Variants in BSPRY observed in about 807,000 individuals in gnomAD.
BSPRY encodes B box and SPRY domain-containing protein.
Under a neutral mutation model 38.0 loss-of-function variants are expected in BSPRY, and 33 were observed. That is an observed-to-expected ratio of 0.87 (90% CI 0.66 to 1.16). The LOEUF (loss-of-function observed/expected upper bound fraction) is 1.16. BSPRY is among the 50% of genes most tolerant of loss of function. The probability of loss-of-function intolerance (pLI) is 0.00; values close to 1 mark genes in which losing one functional copy is unlikely to be tolerated. For missense variants in BSPRY, 523 were observed against 533.2 expected, an observed-to-expected ratio of 0.98 and a Z score of 0.19; for synonymous variants, 224 against 228.5, an observed-to-expected ratio of 0.98 and a Z score of 0.18.
chr9:113,359,202 T>G (rs1040702076), intron 2 of BSPRY, among the ~76,000 whole-genome samples: 2 of 152,176 alleles, frequency 1.3e-5, no homozygotes, highest in South Asian at 2.1e-4. Flanking sequence ...TTTTACAGAT[T>G]AGAAAATAGA....
intron 3 of BSPRY, among the ~76,000 whole-genome samples, chr9:113,361,944 C>T (rs1192314015): frequency 4.6e-5 from 7 of 152,154 alleles, no homozygotes; most frequent in East Asian, 1.9e-4. Flanking sequence ...TATGACTGCT[C>T]GAAACTGTGC....
chr9:113,361,489 C>G (rs1476873182), intron 3 of BSPRY, among the ~76,000 whole-genome samples: 3 of 152,204 alleles, frequency 2.0e-5, no homozygotes, highest in Non-Finnish European at 4.4e-5. Flanking sequence ...GACAAATACA[C>G]TGGCTGACAA....
intron 2 of BSPRY, among the ~76,000 whole-genome samples, chr9:113,358,609 C>T (rs1834101239): frequency 6.6e-6 from 1 of 152,154 alleles, no homozygotes; most frequent in Admixed American, 6.5e-5. Context: ...ATTTTTCCAG[C>T]ATTTCTCTAC....
At chr9:113,357,949 T>G (rs1834089825) in intron 2 of BSPRY, among the ~76,000 whole-genome samples, 1 of 119,142 alleles carries the variant, frequency 8.4e-6, no homozygotes, top group African/African-American at 3.0e-5. Flanking sequence ...TATATCTCTA[T>G]TAAGCTTATT....
chr9:113,351,537 A>G (rs1471018012), intron 1 of BSPRY, among the ~76,000 whole-genome samples: 1 of 152,126 alleles, frequency 6.6e-6, no homozygotes, highest in African/African-American at 2.4e-5. Flanking sequence ...GGACCTATGA[A>G]ATGTAACTAA....
Position 113,349,756 on chromosome 9 carries a change from G to T in BSPRY, c.177G>T (p.Ala59=). 8.1e-7 allele frequency: 1 copy of T among 1,235,618 alleles called. No individual in the cohort carries two copies. 76.5% of individuals were successfully genotyped at this position (1,235,618 alleles called of 1,614,324 possible). The change falls in exon 1 of 6, where the codon GCG becomes GCT. Residue 59 remains alanine (A), a synonymous_variant. Coordinates refer to ENST00000374183, the MANE Select transcript of BSPRY (RefSeq NM_017688.3). ...GCCGGGGGCACCGCATCCGCCGGGC[G>T]GAGGAGCGCGCCGAGGAGCTGCGGG... ...GRCRGHRIRR[A]EERAEELRNK...
chr9:113,353,685 C>T (rs956152210), intron 1 of BSPRY, among the ~76,000 whole-genome samples: 7 of 151,700 alleles, frequency 4.6e-5, no homozygotes, highest in Non-Finnish European at 7.4e-5. Flanking sequence ...CCTGGGCAAC[C>T]GAGTGAGACT....
Position 113,370,165 on chromosome 9 carries a change from T to C in BSPRY, c.*23T>C, listed in dbSNP as rs1387844824. The C allele has an allele frequency of 6.5e-7, 1 of 1,528,528 alleles. No homozygotes were observed. Among genetic ancestry groups the C allele is most frequent in the African/African-American group, 1.4e-5 (1 of 72,162 alleles). 94.7% of individuals were successfully genotyped at this position (1,528,528 alleles called of 1,614,324 possible). A position where few individuals can be genotyped will look rare whatever the true frequency, so the allele number is the denominator to read the frequency against. ...TGACCTCTGGCCACAGGAAGCCAGG[T>C]CCACCGCCCACCACCCTTTCAGGCC... On this transcript the variant is annotated 3_prime_UTR_variant, in exon 6 of 6. Coordinates refer to ENST00000374183, the MANE Select transcript of BSPRY (RefSeq NM_017688.3). This position sits in a 1 kb window ranked among gnomAD's most constrained non-coding sequence, Gnocchi z 4.8.
intron 2 of BSPRY, 148 bp downstream of exon 2, chr9:113,354,486 A>G (rs529103092): frequency 1.8e-5 from 12 of 653,380 alleles, no homozygotes; most frequent in Admixed American, 1.6e-4. Context: ...ACTCAATTTT[A>G]CCATCTGGGC....
intron 2 of BSPRY, among the ~76,000 whole-genome samples, 195 bp from the exon 3 acceptor site, chr9:113,360,312 C>T (rs1834127892): frequency 6.6e-6 from 1 of 152,170 alleles, no homozygotes; most frequent in Non-Finnish European, 1.5e-5. Flanking sequence ...AATTTCTTTA[C>T]CCTAAACCAT....
In BSPRY at chr9:113,369,997, G is replaced by T; in HGVS notation, c.1064G>T (p.Gly355Val). 1 of 1,614,158 alleles carries T rather than the reference G, an allele frequency of 6.2e-7. No individual in the cohort carries two copies. ...CTGCTGCGGGGCCCAGCCCAGCTGG[G>T]TGTAGTGCTGGACTTGCAGGTTCAG... Reference protein sequence around the residue: ...LGLLRGPAQLGVVLDLQVQEL... With the variant: ...LGLLRGPAQLVVVLDLQVQEL... The change falls in exon 6 of 6, where the codon GGT (glycine) becomes GTT (valine). Residue 355 changes from glycine to valine, a missense_variant. Physicochemically the swap from Gly to Val is moderately radical, Grantham distance 109. Coordinates refer to ENST00000374183, the MANE Select transcript of BSPRY (RefSeq NM_017688.3).
chr9:113,364,572 A>G (rs1472042266), intron 4 of BSPRY, among the ~76,000 whole-genome samples: 1 of 152,212 alleles, frequency 6.6e-6, no homozygotes, highest in Non-Finnish European at 1.5e-5. Flanking sequence ...TTGCAAAGGT[A>G]GTATAACGAG....
chr9:113,356,922 T>G (rs2118911248), intron 2 of BSPRY, among the ~76,000 whole-genome samples: 1 of 152,232 alleles, frequency 6.6e-6, no homozygotes, highest in East Asian at 1.9e-4. Context: ...CTATTTGACA[T>G]CCAAGTGAAG....
chr9:113,352,689 G>A (rs1223846997), intron 1 of BSPRY, among the ~76,000 whole-genome samples: 1 of 152,206 alleles, frequency 6.6e-6, no homozygotes, highest in South Asian at 2.1e-4. Flanking sequence ...TGAGTGTACT[G>A]AAAGCCATTG....
At chr9:113,352,199 G>A (rs1364653048) in intron 1 of BSPRY, among the ~76,000 whole-genome samples, 2 of 152,154 alleles carry the variant, frequency 1.3e-5, no homozygotes, top group Non-Finnish European at 1.5e-5. Context: ...TGTGGTCAAG[G>A]CAGTGGGTGT....
intron 2 of BSPRY, among the ~76,000 whole-genome samples, chr9:113,356,975 G>T (rs1309305618): frequency 6.6e-6 from 1 of 152,120 alleles, no homozygotes; most frequent in Non-Finnish European, 1.5e-5. Flanking sequence ...GAGAGGGCTG[G>T]GTTGGAGATA....
In BSPRY at chr9:113,349,611, G is replaced by T; in HGVS notation, c.32G>T (p.Gly11Val). 1 of 1,193,682 alleles carries T rather than the reference G, an allele frequency of 8.4e-7. No individual in the cohort carries two copies. The highest frequency in any genetic ancestry group is 3.6e-5 in the East Asian group (1 of 27,642). The allele number at this position is 1,193,682 out of a possible 1,614,324, so 73.9% of individuals were successfully genotyped here. ...GCCGAGGGCGCGGAGCCGGGGCCGGGGTCCGGGTCCGGGCCCGGGCCGGGG... is the reference window on the plus strand; with the variant it reads ...GCCGAGGGCGCGGAGCCGGGGCCGGTGTCCGGGTCCGGGCCCGGGCCGGGG... MSAEGAEPGPGSGSGPGPGPL... is the reference protein window; with the variant it reads MSAEGAEPGPVSGSGPGPGPL... The change falls in exon 1 of 6, where the codon GGG becomes GTG. Residue 11 changes from glycine (G) to valine (V), a missense_variant. Physicochemically the swap from Gly to Val is moderately radical, Grantham distance 109 (BLOSUM62 -3). Coordinates refer to ENST00000374183, the MANE Select transcript of BSPRY (RefSeq NM_017688.3).
intron 1 of BSPRY, among the ~76,000 whole-genome samples, chr9:113,352,480 GACAC>G (rs139828518): frequency 4.7e-5 from 7 of 149,774 alleles, no homozygotes; most frequent in Non-Finnish European, 7.4e-5. Context: ...TGGGGAGTGA[GACAC>G]ACACACACAC....
intron 3 of BSPRY, among the ~76,000 whole-genome samples, chr9:113,361,640 T>G (rs917489698): frequency 6.6e-6 from 1 of 152,116 alleles, no homozygotes; most frequent in African/African-American, 2.4e-5. Flanking sequence ...ATAAGAAAAC[T>G]AGCTGTGTCA....
Sources: gnomAD v4.1 joint callset for allele counts (sites outside exome capture counted in the v4.1 genomes callset) on GRCh38, gnomAD v4.1.1 for gene constraint, Gnocchi (gnomAD v3.1) non-coding constraint, MANE v1.5 for transcripts, NCBI Gene and HGNC (gene_info 2026-07-23, HGNC 2026-07-21) for gene names.